FAM135B: variants seen among roughly 807,000 people sequenced by gnomAD.
FAM135B encodes family with sequence similarity 135 member B.
Under a neutral mutation model 127.7 loss-of-function variants are expected in FAM135B, and 43 were observed. That is an observed-to-expected ratio of 0.34 (90% CI 0.26 to 0.43). The LOEUF is 0.43. Among genes scored for constraint, FAM135B ranks in the 20% least tolerant of loss-of-function variants. The probability of loss-of-function intolerance (pLI) is 1.00; values close to 1 mark genes in which losing one functional copy is unlikely to be tolerated. For synonymous variants in FAM135B, 670 were observed against 665.1 expected, an observed-to-expected ratio of 1.01 and a Z score of -0.11; for missense variants, 1,558 against 1,725.6, an observed-to-expected ratio of 0.90 and a Z score of 1.72.
chr8:138,264,360 G>A (rs1822757885), intron 4 of FAM135B, among the ~76,000 whole-genome samples: 1 of 152,180 alleles, frequency 6.6e-6, no homozygotes, highest in Non-Finnish European at 1.5e-5. Context: ...TCTGTCATGA[G>A]ACAACAGCCA....
intron 2 of FAM135B, 117 bp downstream of exon 2, chr8:138,367,789 TC>T (rs1220380584): frequency 5.3e-6 from 4 of 754,726 alleles, no homozygotes; most frequent in Non-Finnish European, 8.8e-6. Flanking sequence ...GAAAATCTTT[TC>T]TTCGTTAGTC....
chr8:138,273,582 G>A (rs1823563189), intron 3 of FAM135B, among the ~76,000 whole-genome samples: 1 of 152,188 alleles, frequency 6.6e-6, no homozygotes, highest in African/African-American at 2.4e-5. Context: ...CCTGAATGGA[G>A]CATGGAGCAT....
At chr8:138,283,693 C>T (rs1294888515) in intron 3 of FAM135B, among the ~76,000 whole-genome samples, 1 of 151,994 alleles carries the variant, frequency 6.6e-6, no homozygotes, top group Non-Finnish European at 1.5e-5. Context: ...TAGTCGAATA[C>T]GAAAGGCAGT....
intron 15 of FAM135B, among the ~76,000 whole-genome samples, chr8:138,143,738 C>T (rs1817417213): frequency 6.6e-6 from 1 of 152,152 alleles, no homozygotes; most frequent in African/African-American, 2.4e-5. Flanking sequence ...GAATTAGAGT[C>T]AAAGAGAAAT....
chr8:138,406,689 G>C (rs552137770), intron 1 of FAM135B, among the ~76,000 whole-genome samples: 1 of 151,790 alleles, frequency 6.6e-6, no homozygotes, highest in Non-Finnish European at 1.5e-5. Flanking sequence ...TGCAGAAAAG[G>C]CCTTTGACAA....
intron 1 of FAM135B, among the ~76,000 whole-genome samples, chr8:138,490,615 T>A (rs944978290): frequency 7.9e-5 from 12 of 152,194 alleles, no homozygotes; most frequent in African/African-American, 2.9e-4. Context: ...TACACCACTC[T>A]GCCTCTAGAT....
At chr8:138,459,502 A>G (rs1011345088) in intron 1 of FAM135B, 1 of 152,220 alleles carries the variant, frequency 6.6e-6, no homozygotes, top group Non-Finnish European at 1.5e-5. Flanking sequence ...GAAGCTCTCT[A>G]ATGCCTTATC....
intron 1 of FAM135B, among the ~76,000 whole-genome samples, chr8:138,404,410 G>C (rs944544514): frequency 6.6e-6 from 1 of 152,164 alleles, no homozygotes; most frequent in African/African-American, 2.4e-5. Context: ...ACTGATCGGG[G>C]TAATAGTTGC....
chr8:138,441,912 A>G (rs2131548943), intron 1 of FAM135B: 1 of 152,090 alleles, frequency 6.6e-6, no homozygotes, highest in African/African-American at 2.4e-5. Flanking sequence ...TTACAGAGCA[A>G]AAGAGAGAGA....
chr8:138,208,392 TCAGAC>T (rs1305017928), intron 7 of FAM135B, among the ~76,000 whole-genome samples: 1 of 152,224 alleles, frequency 6.6e-6, no homozygotes. Flanking sequence ...TGGCTGAAAA[TCAGAC>T]CTCAGCAATC....
chr8:138,378,109 T>C (rs1831603174), intron 1 of FAM135B, among the ~76,000 whole-genome samples: 1 of 152,232 alleles, frequency 6.6e-6, no homozygotes, highest in Non-Finnish European at 1.5e-5. Flanking sequence ...CCTGTTTACA[T>C]GCAGAATTGG....
At chr8:138,280,888 G>A (rs1399820526) in intron 3 of FAM135B, among the ~76,000 whole-genome samples, 3 of 152,058 alleles carry the variant, frequency 2.0e-5, no homozygotes, top group African/African-American at 7.2e-5. Flanking sequence ...GCAGAGGAGG[G>A]GGCTCAGAGG....
intron 3 of FAM135B, among the ~76,000 whole-genome samples, chr8:138,275,505 T>G (rs1453394077): frequency 6.6e-6 from 1 of 152,100 alleles, no homozygotes; most frequent in Non-Finnish European, 1.5e-5. Flanking sequence ...GGTAACACAG[T>G]GAGACCCTAT....
intron 7 of FAM135B, among the ~76,000 whole-genome samples, chr8:138,207,650 G>A (rs1364836866): frequency 6.6e-6 from 1 of 152,192 alleles, no homozygotes; most frequent in Non-Finnish European, 1.5e-5. Context: ...TCATAGGAAG[G>A]CACATACTGT....
intron 12 of FAM135B, among the ~76,000 whole-genome samples, chr8:138,161,010 T>C (rs1344052515): frequency 1.3e-5 from 2 of 152,176 alleles, no homozygotes; most frequent in African/African-American, 4.8e-5. Context: ...TTAGATAAGC[T>C]ATTATCCTAT....
At chr8:138,180,351 G>A (rs1167481833) in intron 9 of FAM135B, among the ~76,000 whole-genome samples, 3 of 152,202 alleles carry the variant, frequency 2.0e-5, no homozygotes, top group African/African-American at 7.2e-5. Context: ...ATTAATGTGA[G>A]TTAACAATTA....
intron 1 of FAM135B, among the ~76,000 whole-genome samples, chr8:138,463,357 G>C (rs1837229542): frequency 6.6e-6 from 1 of 152,146 alleles, no homozygotes; most frequent in Non-Finnish European, 1.5e-5. Flanking sequence ...AGAAAAGGGA[G>C]AGACCACTGA....
chr8:138,448,637 G>T (rs565754319), intron 1 of FAM135B, among the ~76,000 whole-genome samples: 13 of 152,234 alleles, frequency 8.5e-5, no homozygotes, highest in African/African-American at 2.9e-4. Flanking sequence ...ACCAAGTGAA[G>T]ATCTTGGGAC....
intron 17 of FAM135B, 101 bp from the exon 18 acceptor site, chr8:138,139,197 T>A: frequency 1.4e-6 from 1 of 692,082 alleles, no homozygotes; most frequent in Non-Finnish European, 2.5e-6. Flanking sequence ...GAATTTTAGT[T>A]AACTTGAAAA....
Sources: gnomAD v4.1 joint callset for allele counts (sites outside exome capture counted in the v4.1 genomes callset) on GRCh38, gnomAD v4.1.1 for gene constraint, MANE v1.5 for transcripts, NCBI Gene and HGNC (gene_info 2026-07-23, HGNC 2026-07-21) for gene names.